The following LRP1B variants were observed in gnomAD, a reference collection of about 807,000 sequenced individuals.
The protein encoded by LRP1B is LDL receptor related protein 1B, also known as low-density lipoprotein receptor-related protein 1B.
LRP1B carries 217 observed loss-of-function variants against 556.6 expected under a neutral mutation model. The ratio of observed to expected loss-of-function variants is 0.39; its 90% confidence interval spans 0.35 to 0.44. LRP1B has a LOEUF of 0.44. Ranked by LOEUF, LRP1B falls within the 20% of genes least tolerant of loss-of-function variation. The pLI is 1.00. For missense variants in LRP1B, 5,053 were observed against 5,620.8 expected, an observed-to-expected ratio of 0.90 and a Z score of 3.23; for synonymous variants, 2,047 against 1,865.8, an observed-to-expected ratio of 1.10 and a Z score of -2.50.
At chr2:140,842,499 T>G (rs899943074) in intron 29 of LRP1B, among the ~76,000 whole-genome samples, 1 of 152,206 alleles carries the variant, frequency 6.6e-6, no homozygotes, top group Non-Finnish European at 1.5e-5. Context: ...CAAATTACTT[T>G]TCGTGATTAA....
At chr2:141,201,481 C>T (rs1198138931) in intron 6 of LRP1B, among the ~76,000 whole-genome samples, 1 of 152,052 alleles carries the variant, frequency 6.6e-6, no homozygotes, top group African/African-American at 2.4e-5. Flanking sequence ...ACCTAGTCCA[C>T]GGTTTTATTT....
At chr2:140,701,927 T>C in intron 39 of LRP1B, 82 bp from the exon 40 acceptor site, 1 of 1,550,862 alleles carries the variant, frequency 6.4e-7, no homozygotes, top group Non-Finnish European at 8.8e-7. Context: ...AGATAACAGA[T>C]GGACCAACAG....
intron 41 of LRP1B, among the ~76,000 whole-genome samples, chr2:140,673,713 C>T (rs1685567908): frequency 6.6e-6 from 1 of 152,102 alleles, no homozygotes; most frequent in Non-Finnish European, 1.5e-5. Flanking sequence ...ACCCCCTTCT[C>T]AGTCAAGGGG....
intron 82 of LRP1B, among the ~76,000 whole-genome samples, chr2:140,318,614 T>TGCTAGAATTTCCAATAACTCTGGAA (rs372760994): frequency 6.6e-6 from 1 of 152,112 alleles, no homozygotes; most frequent in Admixed American, 6.6e-5. Flanking sequence ...TGCACGTTAT[T>TGCTAGAATTTCCAATAACTCTGGAA]GCTAGAATTT....
intron 7 of LRP1B, among the ~76,000 whole-genome samples, chr2:141,172,466 T>C (rs1164694783): frequency 6.6e-6 from 1 of 152,132 alleles, no homozygotes; most frequent in African/African-American, 2.4e-5. Context: ...TGATCCTTTA[T>C]ATTTACTCAT....
At chr2:140,439,298 C>A (rs1285845788) in intron 66 of LRP1B, among the ~76,000 whole-genome samples, 1 of 152,162 alleles carries the variant, frequency 6.6e-6, no homozygotes, top group African/African-American at 2.4e-5. Context: ...AGTGCAACAG[C>A]CCTACAAGAG....
At chr2:140,689,640 A>G (rs1250994193) in intron 41 of LRP1B, among the ~76,000 whole-genome samples, 1 of 152,238 alleles carries the variant, frequency 6.6e-6, no homozygotes, top group Non-Finnish European at 1.5e-5. Flanking sequence ...GCTAATTCAT[A>G]TATGAATCAC....
chr2:141,139,979 G>GTAT lies in LRP1B; in HGVS notation c.1013+48439_1013+48441dup, dbSNP rs1330272889. Among the ~76,000 whole-genome samples the GTAT allele has an allele frequency of 2.6e-5, 4 of 151,844 alleles. No homozygotes were observed. In the East Asian group the frequency reaches 5.8e-4, roughly 22 times the overall value. ...CAGGTGTATGAATAAACAAACTGTG[G>GTAT]TATATATGTAAAATGAAATACTACT... On this transcript the variant is annotated intron_variant, in intron 7 of 90. Coordinates refer to ENST00000389484, the MANE Select transcript of LRP1B (RefSeq NM_018557.3).
intron 32 of LRP1B, among the ~76,000 whole-genome samples, chr2:140,802,731 C>A (rs1690559423): frequency 6.6e-6 from 1 of 152,020 alleles, no homozygotes; most frequent in South Asian, 2.1e-4. Flanking sequence ...GCTGTTATTT[C>A]TCATTTTATT....
At chr2:140,970,173 A>AT (rs1193476851) in intron 18 of LRP1B, among the ~76,000 whole-genome samples, 2 of 152,078 alleles carry the variant, frequency 1.3e-5, no homozygotes, top group African/African-American at 4.8e-5. Context: ...TCAGACATAG[A>AT]TTTGGTCTTT....
rs529516816 is a variant in LRP1B, at chr2:141,570,296, G to A, written c.206-89763C>T. On this transcript the variant is annotated intron_variant, in intron 2 of 90. Coordinates refer to ENST00000389484, the MANE Select transcript of LRP1B (RefSeq NM_018557.3). ...AGAAGGAAGAACAGTGTAGTGTGAC[G>A]GCCCACCTGAGAGCCACACGGGGCA... Among the ~76,000 whole-genome samples the A allele has an allele frequency of 4.7e-4, 71 of 150,920 alleles. 1 individual carries two copies. The highest frequency in any genetic ancestry group is 4.0e-3 in the Admixed American group (61 of 15,150).
intron 43 of LRP1B, among the ~76,000 whole-genome samples, chr2:140,568,325 AT>A (rs1681202567): frequency 6.6e-6 from 1 of 151,966 alleles, no homozygotes; most frequent in South Asian, 2.1e-4. Flanking sequence ...CCTGAAACTA[AT>A]TCCATGAATA....
intron 3 of LRP1B, among the ~76,000 whole-genome samples, chr2:141,346,480 A>T (rs1688262608): frequency 6.6e-6 from 1 of 152,098 alleles, no homozygotes; most frequent in Admixed American, 6.6e-5. Flanking sequence ...ATAGTTATTA[A>T]CGTTCTCCTG....
intron 1 of LRP1B, among the ~76,000 whole-genome samples, chr2:141,813,678 C>T (rs1230653381): frequency 6.6e-6 from 1 of 151,944 alleles, no homozygotes; most frequent in Non-Finnish European, 1.5e-5. Flanking sequence ...TCCTGTAGTT[C>T]TGCAAGTGAC....
rs764140262 is a variant in LRP1B, at chr2:140,234,793, G to C, written c.13652C>G (p.Thr4551Ser). The change falls in exon 90 of 91, where the codon ACT (threonine) becomes AGT (serine). Residue 4551 changes from threonine to serine, a missense_variant. Transcript: ENST00000389484. The part of the protein sequence containing the change: ...YLNSDLKGPL[T>S]AGPTNYSNPV... ...CGAATATTCTTCTCTCACCCCAGCA[G>C]TTAGTGGTCCTTTCAAATCAGAGTT... is the stretch of plus-strand genomic sequence containing the variant. The C allele has an allele frequency of 2.6e-6, 2 of 774,694 alleles. No individual in the cohort carries two copies. Among genetic ancestry groups the C allele is most frequent in the East Asian group, 2.4e-5 (1 of 40,968 alleles). The allele number at this position is 774,694 out of a possible 1,614,324, so 48.0% of individuals were successfully genotyped here. A position where few individuals can be genotyped will look rare whatever the true frequency, so the allele number is the denominator to read the frequency against.
chr2:141,394,311 T>C (rs1690163790), intron 3 of LRP1B, among the ~76,000 whole-genome samples: 1 of 152,126 alleles, frequency 6.6e-6, no homozygotes. Context: ...CATTTTAGTC[T>C]TAAGAGATTA....
intron 83 of LRP1B, among the ~76,000 whole-genome samples, chr2:140,311,996 A>T (rs1229395362): frequency 6.6e-6 from 1 of 151,880 alleles, no homozygotes; most frequent in Admixed American, 6.6e-5. Context: ...CAATTCTACC[A>T]TCTGATGTGG....
At chr2:141,263,915 A>T (rs1184594170) in intron 3 of LRP1B, among the ~76,000 whole-genome samples, 1 of 152,172 alleles carries the variant, frequency 6.6e-6, no homozygotes, top group Non-Finnish European at 1.5e-5. Context: ...AAAAGCGTTT[A>T]ATAAAAAACA....
intron 41 of LRP1B, among the ~76,000 whole-genome samples, chr2:140,640,618 C>T (rs1318226651): frequency 2.0e-5 from 3 of 151,296 alleles, no homozygotes; most frequent in South Asian, 2.1e-4. Flanking sequence ...CTCCTGACCT[C>T]GTGATCCGCC....
Sources: gnomAD v4.1 joint callset for allele counts (sites outside exome capture counted in the v4.1 genomes callset) on GRCh38, gnomAD v4.1.1 for gene constraint, MANE v1.5 for transcripts, NCBI Gene and HGNC (gene_info 2026-07-23, HGNC 2026-07-21) for gene names.